ZC3H12A: variants seen among roughly 807,000 people sequenced by gnomAD.
ZC3H12A encodes the protein zinc finger CCCH-type containing 12A, also known as endoribonuclease ZC3H12A.
A neutral mutation model predicts 29.9 loss-of-function variants in ZC3H12A; 9 were observed. The ratio of observed to expected loss-of-function variants is 0.30; its 90% CI spans 0.18 to 0.53. The LOEUF (loss-of-function observed/expected upper bound fraction) is 0.53. ZC3H12A is among the 20% of genes least tolerant of loss of function. ZC3H12A has a pLI of 0.96. For synonymous variants in ZC3H12A, 323 were observed against 338.1 expected (o/e 0.96, Z 0.49); for missense variants, 617 against 799.0 (o/e 0.77, Z 2.75).
In ZC3H12A at chr1:37,483,180, G is replaced by C. The variant is rs1231063365; in HGVS notation, c.1369G>C (p.Gly457Arg). 2.5e-6 allele frequency: 4 copies of C among 1,613,362 alleles called. No homozygotes were observed. The Admixed American group carries it at 5.0e-5, about 20-fold the overall frequency. The change falls in exon 6 of 6, where the codon GGC becomes CGC. Residue 457 changes from glycine (G) to arginine (R), a missense_variant. Transcript: ENST00000373087. Reference sequence around the variant, plus strand: ...GGAACTTTGGGGGGTTCGAGGAGGAGGCCCTGGTGAGCCGGGCCCACCCCG... The same window carrying C: ...GGAACTTTGGGGGGTTCGAGGAGGACGCCCTGGTGAGCCGGGCCCACCCCG... ...MSELWGVRGG[G>R]PGEPGPPRAP...
In ZC3H12A at chr1:37,483,836, CCT is replaced by C. The variant is rs1314772444; in HGVS notation, c.*226_*227del. 12 of 579,604 alleles carry C rather than the reference CCT, an allele frequency of 2.1e-5. No individual in the cohort carries two copies. Among genetic ancestry groups the C allele is most frequent in the Admixed American group, 3.1e-5 (1 of 32,766 alleles). The allele number at this position is 579,604 out of a possible 1,614,324, so 35.9% of individuals were successfully genotyped here. On this transcript the variant is annotated 3_prime_UTR_variant, in exon 6 of 6. Transcript: ENST00000373087. ...GCCTCAGTGGGTCAGAAGCGATCAC[CCT>C]GTTGATACACATTGTATCTCTGTAG...
chr1:37,481,932 G>A (rs988011737), intron 4 of ZC3H12A, 97 bp downstream of exon 4: 3 of 1,270,584 alleles, frequency 2.4e-6, no homozygotes, highest in Non-Finnish European at 2.2e-6. Flanking sequence ...GGCTCTGCGG[G>A]GCCCTGTGGC....
Position 37,484,346 on chromosome 1 carries a change from C to T in ZC3H12A, c.*735C>T, listed in dbSNP as rs897926458. On this transcript the variant is annotated 3_prime_UTR_variant, in exon 6 of 6. Coordinates refer to ENST00000373087, the MANE Select transcript of ZC3H12A (RefSeq NM_025079.3). ...AAAGTCCTTACCTCCTGTAACACAT[C>T]AATAAAGTACAATCATTGTGAGCCC... 3 of 152,218 alleles carry T rather than the reference C, an allele frequency of 2.0e-5. No individual in the cohort carries two copies. Among genetic ancestry groups the T allele is most frequent in the Non-Finnish European group, 4.4e-5 (3 of 68,050 alleles). The allele number at this position is 152,218 out of a possible 1,614,324, so 9.4% of individuals were successfully genotyped here.
rs143237728 is a variant in ZC3H12A, at chr1:37,482,848, C to A, written c.1037C>A (p.Pro346His). Reference protein sequence around the residue: ...ELRANALLSPPRAPSKDKNGR... With the variant: ...ELRANALLSPHRAPSKDKNGR... ...CGTGCCAATGCTCTCCTCTCACCCC[C>A]CAGAGCCCCAAGCAAGGACAAAAAT... Residue 346 changes from proline to histidine, a missense_variant, in exon 6 of 6, where the codon CCC (proline) becomes CAC (histidine). This residue lies in a region of ZC3H12A where 115 missense variants were observed against 112.5 expected (regional missense o/e 1.02). Coordinates refer to ENST00000373087, the MANE Select transcript of ZC3H12A (RefSeq NM_025079.3). 3,551 of 1,613,986 alleles carry A rather than the reference C, an allele frequency of 2.2e-3. 11 individuals carry two copies. Among genetic ancestry groups the A allele is most frequent in the Non-Finnish European group, 2.5e-3 (3,003 of 1,180,028 alleles).
rs370210827 is a variant in ZC3H12A at position 37,479,640 on chromosome 1, G to A, written c.444-650G>A. ...GCTCCTGGGGAACTTGCTTCACTCCGGCGCTTTCTGTCCCATGCTGAAGGC... is the reference window on the plus strand; with the variant it reads ...GCTCCTGGGGAACTTGCTTCACTCCAGCGCTTTCTGTCCCATGCTGAAGGC... On this transcript the variant is annotated intron_variant, in intron 2 of 5. Coordinates refer to ENST00000373087, the MANE Select transcript of ZC3H12A (RefSeq NM_025079.3). This position sits in a 1 kb window ranked among gnomAD's most constrained non-coding sequence, Gnocchi z 4.5. 2.4e-4 allele frequency: 233 copies of A among 985,384 alleles called. No homozygotes were observed. The African/African-American group carries it at 3.3e-3, about 14-fold the overall frequency. 61.0% of individuals were successfully genotyped at this position (985,384 alleles called of 1,614,324 possible).
In ZC3H12A at chr1:37,476,083, G is replaced by GGACCAGGGA; in HGVS notation, c.443+144_443+145insGACCAGGGA. ...AGGGACTGGTCTAGAGGGAGGGAAA[G>GGACCAGGGA]CCTTTTATGAGGCTAGGGTCGCGCT... On this transcript the variant is annotated intron_variant, in intron 2 of 5. Coordinates refer to ENST00000373087, the MANE Select transcript of ZC3H12A (RefSeq NM_025079.3). The surrounding 1 kb of genome is among the most constrained non-coding windows in gnomAD (Gnocchi z 6.0). 1.1e-6 allele frequency: 1 copy of GGACCAGGGA among 920,470 alleles called. No individual in the cohort carries two copies. Among genetic ancestry groups the GGACCAGGGA allele is most frequent in the East Asian group, 2.8e-5 (1 of 35,988 alleles). The allele number at this position is 920,470 out of a possible 1,614,324, so 57.0% of individuals were successfully genotyped here.
chr1:37,480,274 G>T lies in ZC3H12A; in HGVS notation c.444-16G>T, dbSNP rs375363070. On this transcript the variant is annotated splice_polypyrimidine_tract_variant and intron_variant, in intron 2 of 5. Transcript: ENST00000373087. ...CTGGCCATCAGTGTGGGCTAACCCT[G>T]TCCTCTCCCTCCCAGCCATGGGAAC... 3 of 1,609,312 alleles carry T rather than the reference G, an allele frequency of 1.9e-6. No homozygotes were observed. The highest frequency in any genetic ancestry group is 2.5e-6 in the Non-Finnish European group (3 of 1,177,218).
chr1:37,474,684 C>G (rs1349676602), intron 1 of ZC3H12A, 55 bp downstream of exon 1: 1 of 150,300 alleles, frequency 6.7e-6, no homozygotes, highest in Non-Finnish European at 1.5e-5. Flanking sequence ...AGGGAGCGCT[C>G]CGGCGGGGTC....
Position 37,483,153 on chromosome 1 carries a change from T to A in ZC3H12A, c.1342T>A (p.Ser448Thr). Residue 448 changes from serine to threonine, a missense_variant, in exon 6 of 6, where the codon TCG becomes ACG. Physicochemically the swap from Ser to Thr is moderately conservative, Grantham distance 58. Coordinates refer to ENST00000373087, the MANE Select transcript of ZC3H12A (RefSeq NM_025079.3). ...SGIGSLESQM[S>T]ELWGVRGGGP... ...CATTGGCTCCCTGGAGAGCCAGATG[T>A]CGGAACTTTGGGGGGTTCGAGGAGG... 1 of 1,613,520 alleles carries A rather than the reference T, an allele frequency of 6.2e-7. No homozygotes were observed. Among genetic ancestry groups the A allele is most frequent in the Non-Finnish European group, 8.5e-7 (1 of 1,179,918 alleles).
Position 37,475,826 on chromosome 1 carries a change from G to A in ZC3H12A, c.330G>A (p.Pro110=), listed in dbSNP as rs3766277. Residue 110 remains proline, a synonymous_variant, in exon 2 of 6, where the codon CCG becomes CCA. Transcript: ENST00000373087. This position sits in a 1 kb window ranked among gnomAD's most constrained non-coding sequence, Gnocchi z 5.2. ...CCTGCCCTCAGCTCCCTCTAGTCCC[G>A]CGGGGTGGTGGCACCCCTAAGGCTC... ...PDPCPQLPLV[P]RGGGTPKAPN... The A allele has an allele frequency of 1.8e-5, 29 of 1,604,456 alleles. No individual in the cohort carries two copies. The East Asian group carries it at 4.7e-4, about 26-fold the overall frequency.
At position 37,483,761 on chromosome 1, in the gene ZC3H12A, CAA is replaced by C. The variant is rs1352057950; in HGVS notation, c.*152_*153del. The C allele has an allele frequency of 9.4e-7, 1 of 1,068,280 alleles. No homozygotes were observed. The highest frequency in any genetic ancestry group is 1.6e-5 in the African/African-American group (1 of 62,382). 66.2% of individuals were successfully genotyped at this position (1,068,280 alleles called of 1,614,324 possible). A position where few individuals can be genotyped will look rare whatever the true frequency, so the allele number is the denominator to read the frequency against. On this transcript the variant is annotated 3_prime_UTR_variant, in exon 6 of 6. Coordinates refer to ENST00000373087, the MANE Select transcript of ZC3H12A (RefSeq NM_025079.3). ...CAAGTCGGGAAGGAAACCCACAAACCAAAGATACTGTAGGATTGGTTCTGGCC... is the reference window on the plus strand; with the variant it reads ...CAAGTCGGGAAGGAAACCCACAAACCAGATACTGTAGGATTGGTTCTGGCC...
chr1:37,483,052 G>C lies in ZC3H12A; in HGVS notation c.1241G>C (p.Ser414Thr). 1 of 1,608,048 alleles carries C rather than the reference G, an allele frequency of 6.2e-7. No individual in the cohort carries two copies. Among genetic ancestry groups the C allele is most frequent in the Non-Finnish European group, 8.5e-7 (1 of 1,177,608 alleles). ...SLAPSGGSGS[S>T]FGPTDWLPQT... ...GCACCTAGCGGGGGCAGTGGCAGCA[G>C]CTTTGGGCCCACAGACTGGCTCCCA... The change falls in exon 6 of 6, where the codon AGC becomes ACC. Residue 414 changes from serine (S) to threonine (T), a missense_variant. Around this residue, in one of 5 missense-constraint regions of ZC3H12A, gnomAD observed 115 missense variants for 112.5 expected, o/e 1.02. Transcript: ENST00000373087.
chr1:37,480,780 C>A (rs1372938512), intron 3 of ZC3H12A, among the ~76,000 whole-genome samples: 1 of 152,186 alleles, frequency 6.6e-6, no homozygotes, highest in Non-Finnish European at 1.5e-5. Flanking sequence ...CTCTTGGCGC[C>A]CTGGCCTGGA....
rs769845713 is a variant in ZC3H12A at position 37,481,839 on chromosome 1, T to C, written c.818+4T>C. 1 of 1,612,424 alleles carries C rather than the reference T, an allele frequency of 6.2e-7. No homozygotes were observed. Among genetic ancestry groups the C allele is most frequent in the Admixed American group, 1.7e-5 (1 of 59,648 alleles). ...TGTACTCCTTCGTCAATGACAAGTA[T>C]GTTCCCTCCCAGAGGCCCTGACAGA... On this transcript the variant is annotated splice_donor_region_variant and intron_variant, in intron 4 of 5. Transcript: ENST00000373087.
chr1:37,482,191 C>T (rs1056761275), intron 4 of ZC3H12A, among the ~76,000 whole-genome samples: 5 of 152,204 alleles, frequency 3.3e-5, no homozygotes, highest in African/African-American at 9.6e-5. Flanking sequence ...CATCCCCCGA[C>T]GACCTCAGAG....
rs539108154 is a variant in ZC3H12A, at chr1:37,475,905, C to T, written c.409C>T (p.Pro137Ser). 1.3e-6 allele frequency: 2 copies of T among 1,523,846 alleles called. No homozygotes were observed. The highest frequency in any genetic ancestry group is 1.8e-6 in the Non-Finnish European group (2 of 1,140,532). The allele number at this position is 1,523,846 out of a possible 1,614,324, so 94.4% of individuals were successfully genotyped here. A position where few individuals can be genotyped will look rare whatever the true frequency, so the allele number is the denominator to read the frequency against. ...GGAAAAGGAGGGCAGCGACCTGAGACCAGTGGTCATCGATGGGAGCAACGT... is the reference window on the plus strand; with the variant it reads ...GGAAAAGGAGGGCAGCGACCTGAGATCAGTGGTCATCGATGGGAGCAACGT... ...EEEKEGSDLR[P>S]VVIDGSNVAM... The change falls in exon 2 of 6, where the codon CCA (proline) becomes TCA (serine). Residue 137 changes from proline to serine, a missense_variant. Physicochemically the swap from Pro to Ser is moderately conservative, Grantham distance 74. Transcript: ENST00000373087. This position sits in a 1 kb window ranked among gnomAD's most constrained non-coding sequence, Gnocchi z 5.2.
rs755482929 is a variant in ZC3H12A, at chr1:37,475,888, A to T, written c.392A>T (p.Glu131Val). 2 of 1,540,254 alleles carry T rather than the reference A, an allele frequency of 1.3e-6. No homozygotes were observed. The highest frequency in any genetic ancestry group is 1.7e-6 in the Non-Finnish European group (2 of 1,146,172). Reference sequence around the variant, plus strand: ...CCTCCACTCCCAGAAGAGGAAAAGGAGGGCAGCGACCTGAGACCAGTGGTC... The same window carrying T: ...CCTCCACTCCCAGAAGAGGAAAAGGTGGGCAGCGACCTGAGACCAGTGGTC... ...LEPPLPEEEK[E>V]GSDLRPVVID... Residue 131 changes from glutamate to valine, a missense_variant, in exon 2 of 6, where the codon GAG becomes GTG. By Grantham distance (121) the Glu-to-Val change is moderately radical (BLOSUM62 -2). Transcript: ENST00000373087. The surrounding 1 kb of genome is among the most constrained non-coding windows in gnomAD (Gnocchi z 5.2).
Position 37,475,991 on chromosome 1 carries a change from G to T in ZC3H12A, c.443+52G>T, listed in dbSNP as rs1471468497. 1 of 1,443,270 alleles carries T rather than the reference G, an allele frequency of 6.9e-7. No individual in the cohort carries two copies. The highest frequency in any genetic ancestry group is 9.1e-7 in the Non-Finnish European group (1 of 1,095,858). The allele number at this position is 1,443,270 out of a possible 1,614,324, so 89.4% of individuals were successfully genotyped here. On this transcript the variant is annotated intron_variant, in intron 2 of 5. Transcript: ENST00000373087. The surrounding 1 kb of genome is among the most constrained non-coding windows in gnomAD (Gnocchi z 5.2). ...ACATGAGGTTCGCATCTCTCCTGTGGCCAGGACACATGGAAGGATGACTGT... is the reference window on the plus strand; with the variant it reads ...ACATGAGGTTCGCATCTCTCCTGTGTCCAGGACACATGGAAGGATGACTGT...
Position 37,476,075 on chromosome 1 carries a change from G to A in ZC3H12A, c.443+136G>A, listed in dbSNP as rs968388191. On this transcript the variant is annotated intron_variant, in intron 2 of 5. Transcript: ENST00000373087. This position sits in a 1 kb window ranked among gnomAD's most constrained non-coding sequence, Gnocchi z 6.0. ...TCCTTCTTAGGGACTGGTCTAGAGG[G>A]AGGGAAAGCCTTTTATGAGGCTAGG... 1.3e-5 allele frequency: 13 copies of A among 976,998 alleles called. No individual in the cohort carries two copies. Among genetic ancestry groups the A allele is most frequent in the Middle Eastern group, 2.5e-4 (1 of 3,962 alleles). The allele number at this position is 976,998 out of a possible 1,614,324, so 60.5% of individuals were successfully genotyped here.
Sources: allele counts gnomAD v4.1 joint callset (sites outside exome capture counted in the v4.1 genomes callset), GRCh38; gene constraint gnomAD v4.1.1; regional missense constraint gnomAD v4.1.1; non-coding constraint Gnocchi (gnomAD v3.1); transcripts MANE v1.5; gene names NCBI Gene and HGNC (gene_info 2026-07-23, HGNC 2026-07-21).